The following RIPK1 variants were observed in gnomAD, a reference collection of about 807,000 sequenced individuals.
The protein encoded by RIPK1 is receptor interacting serine/threonine kinase 1.
Under a neutral mutation model 62.4 loss-of-function variants are expected in RIPK1, and 27 were observed. The observed-to-expected ratio is 0.43, with a 90% CI of 0.32 to 0.60. The LOEUF (loss-of-function observed/expected upper bound fraction) is 0.60. Ranked by LOEUF, RIPK1 falls within the 20% of genes least tolerant of loss-of-function variation. The pLI is 0.07. For missense variants in RIPK1, 735 were observed against 831.0 expected, an observed-to-expected ratio of 0.88 and a Z score of 1.42; for synonymous variants, 287 against 303.2, an observed-to-expected ratio of 0.95 and a Z score of 0.55.
chr6:3,072,681 CT>C lies in RIPK1; in HGVS notation c.-61+4021del, dbSNP rs1293667451. Among the ~76,000 whole-genome samples, 1 of 152,112 alleles carries C rather than the reference CT, an allele frequency of 6.6e-6. No individual in the cohort carries two copies. ...TGAGAAATAATTCTCAATTACAGTA[CT>C]GTCTTACCTATGGAAGTGTCTAATG... is the stretch of plus-strand genomic sequence containing the variant. On this transcript the variant is annotated intron_variant, in intron 1 of 10. Transcript: ENST00000259808. This position sits in a 1 kb window ranked among gnomAD's most constrained non-coding sequence, Gnocchi z 5.6.
intron 7 of RIPK1, 139 bp from the exon 8 acceptor site, chr6:3,104,086 A>T: frequency 1.8e-6 from 1 of 560,074 alleles, no homozygotes; most frequent in Admixed American, 3.4e-5. Context: ...TGGGAAAAAC[A>T]TTAATTTTAA....
intron 3 of RIPK1, among the ~76,000 whole-genome samples, chr6:3,078,892 G>T (rs946062089): frequency 6.6e-6 from 1 of 151,782 alleles, no homozygotes; most frequent in African/African-American, 2.4e-5. Context: ...CTAAATAAGT[G>T]GTATGGTGTG....
At chr6:3,099,649 T>C (rs1241084771) in intron 7 of RIPK1, among the ~76,000 whole-genome samples, 1 of 152,238 alleles carries the variant, frequency 6.6e-6, no homozygotes, top group Admixed American at 6.5e-5. Flanking sequence ...ATATTTGGCC[T>C]CGCCAACAGA....
At chr6:3,085,871 C>G (rs1236802538) in intron 6 of RIPK1, among the ~76,000 whole-genome samples, 1 of 152,176 alleles carries the variant, frequency 6.6e-6, no homozygotes, top group Non-Finnish European at 1.5e-5. Context: ...GCTTACTCCA[C>G]TTGGCATGAT....
chr6:3,074,756 A>G (rs1012245233), intron 1 of RIPK1, among the ~76,000 whole-genome samples: 13 of 152,186 alleles, frequency 8.5e-5, no homozygotes, highest in African/African-American at 2.6e-4. Flanking sequence ...ATCTCGGCTC[A>G]CTGCAACCTC....
In RIPK1 at chr6:3,104,233, T is replaced by C. The variant is rs1760716378; in HGVS notation, c.924T>C (p.Tyr308=). The C allele has an allele frequency of 1.3e-6, 2 of 1,550,986 alleles. No homozygotes were observed. The highest frequency in any genetic ancestry group is 1.7e-5 in the Admixed American group (1 of 58,938). Residue 308 remains tyrosine (Y), a synonymous_variant, in exon 8 of 11, where the codon TAT becomes TAC. Coordinates refer to ENST00000259808, the MANE Select transcript of RIPK1 (RefSeq NM_001354930.2). ...TATGCTCTTAATTATAGAAAGAGTA[T>C]TCAAACGAAAATGCAGTTGTGAAGA... ...EEDVKSLKKE[Y]SNENAVVKRM... is the part of the protein sequence containing the mutation.
chr6:3,069,014 G>T (rs1238380642), intron 1 of RIPK1: 1 of 152,232 alleles, frequency 6.6e-6, no homozygotes, highest in East Asian at 1.9e-4. Flanking sequence ...GGGGTGCTCC[G>T]CTAGGTGTCT....
intron 6 of RIPK1, among the ~76,000 whole-genome samples, chr6:3,087,122 A>G (rs753460748): frequency 6.6e-6 from 1 of 152,010 alleles, no homozygotes; most frequent in Non-Finnish European, 1.5e-5. Context: ...CCTTATAGGG[A>G]AGGTGTTATT....
intron 10 of RIPK1, among the ~76,000 whole-genome samples, chr6:3,112,728 G>A (rs553416827): frequency 7.5e-4 from 114 of 152,196 alleles, no homozygotes; most frequent in African/African-American, 2.7e-3. Context: ...GGTAGAGACA[G>A]GTTCTTGCTG....
upstream of RIPK1, among the ~76,000 whole-genome samples, chr6:3,067,187 T>G (rs1355294913): frequency 7.3e-5 from 11 of 151,450 alleles, no homozygotes; most frequent in Non-Finnish European, 4.4e-5. Flanking sequence ...GTTTTGGCAA[T>G]TATGAATAAA....
At chr6:3,077,718 G>A in intron 2 of RIPK1, 61 bp from the exon 3 acceptor site, 1 of 1,578,862 alleles carries the variant, frequency 6.3e-7, no homozygotes, top group African/African-American at 1.3e-5. Context: ...TTGGAGGTGT[G>A]CACCAGGCTC....
chr6:3,068,177 T>C, upstream of RIPK1: 3 of 978,670 alleles, frequency 3.1e-6, no homozygotes, highest in Non-Finnish European at 3.6e-6. Context: ...ACAGCCCCAC[T>C]TTACAGATGA....
In RIPK1 at chr6:3,105,605, A is replaced by C. The variant is rs760405932; in HGVS notation, c.1130A>C (p.Lys377Thr). 1 of 1,614,112 alleles carries C rather than the reference A, an allele frequency of 6.2e-7. No homozygotes were observed. Among genetic ancestry groups the C allele is most frequent in the South Asian group, 1.1e-5 (1 of 91,070 alleles). ...QEENEPSLQS[K>T]LQDEANYHLY... The stretch of plus-strand genomic sequence containing the variant: ...GAGAATGAGCCCAGCCTGCAGAGTA[A>C]ACTCCAAGACGAAGCCAACTACCAT... Residue 377 changes from lysine (K) to threonine (T), a missense_variant, in exon 9 of 11, where the codon AAA becomes ACA. Transcript: ENST00000259808. This position sits in a 1 kb window ranked among gnomAD's most constrained non-coding sequence, Gnocchi z 4.5.
At chr6:3,065,535 G>T (rs1207215712), upstream of RIPK1, among the ~76,000 whole-genome samples, 20 of 151,950 alleles carry the variant, frequency 1.3e-4, no homozygotes, top group African/African-American at 4.8e-4. Flanking sequence ...GGAGATGGGT[G>T]TGGGGGAGGA....
intron 7 of RIPK1, among the ~76,000 whole-genome samples, chr6:3,094,095 C>T (rs867398868): frequency 7.1e-6 from 1 of 141,386 alleles, no homozygotes; most frequent in Non-Finnish European, 1.5e-5. Flanking sequence ...ACCTCCTGCA[C>T]CTAGTAACTG....
Position 3,076,885 on chromosome 6 carries a change from C to T in RIPK1, c.62C>T (p.Ala21Val). ...KMKSSDFLES[A>V]ELDSGGFGKV... is the part of the protein sequence containing the mutation. ...AAATCCAGTGACTTCCTGGAGAGTG[C>T]AGAACTGGACAGCGGAGGCTTTGGG... Residue 21 changes from alanine to valine, a missense_variant, in exon 2 of 11, where the codon GCA (alanine) becomes GTA (valine). This residue lies in a region of RIPK1 where 671 missense variants were observed against 726.2 expected (regional missense o/e 0.92). Transcript: ENST00000259808. 6.2e-7 allele frequency: 1 copy of T among 1,609,320 alleles called. No homozygotes were observed. The highest frequency in any genetic ancestry group is 1.1e-5 in the South Asian group (1 of 90,948).
intron 7 of RIPK1, among the ~76,000 whole-genome samples, chr6:3,100,260 A>G (rs1486529506): frequency 2.0e-5 from 3 of 152,024 alleles, no homozygotes; most frequent in Non-Finnish European, 4.4e-5. Context: ...GTCTCTACTA[A>G]TAATACAAAA....
intron 7 of RIPK1, among the ~76,000 whole-genome samples, chr6:3,090,609 C>G (rs1177643244): frequency 6.6e-6 from 1 of 152,062 alleles, no homozygotes; most frequent in Non-Finnish European, 1.5e-5. Context: ...ACAGACAAAT[C>G]CACAATTAAA....
At position 3,077,972 on chromosome 6, in the gene RIPK1, T is replaced by C. The variant is rs747615900; in HGVS notation, c.321+37T>C. The C allele has an allele frequency of 4.4e-6, 7 of 1,607,266 alleles. No homozygotes were observed. In the Admixed American group the frequency reaches 8.4e-5, roughly 19 times the overall value. The stretch of plus-strand genomic sequence containing the variant: ...CCCTCCGCACGGGGATCCCCAGCGC[T>C]TGGGCCCTGGCTGTCTGTTATGGCT... On this transcript the variant is annotated intron_variant, in intron 3 of 10. Coordinates refer to ENST00000259808, the MANE Select transcript of RIPK1 (RefSeq NM_001354930.2).
Sources: gnomAD v4.1 joint callset for allele counts (sites outside exome capture counted in the v4.1 genomes callset) on GRCh38, gnomAD v4.1.1 for gene constraint, gnomAD v4.1.1 regional missense constraint, Gnocchi (gnomAD v3.1) non-coding constraint, MANE v1.5 for transcripts, NCBI Gene and HGNC (gene_info 2026-07-23, HGNC 2026-07-21) for gene names.